MAML3: variants seen among roughly 807,000 people sequenced by gnomAD.
MAML3 encodes the protein mastermind-like protein 3.
Under a neutral mutation model 101.9 loss-of-function variants are expected in MAML3, and 27 were observed. That is an observed-to-expected ratio of 0.27 (90% confidence interval 0.20 to 0.37). The LOEUF (loss-of-function observed/expected upper bound fraction) is 0.37. Among genes scored for constraint, MAML3 ranks in the 10% least tolerant of loss-of-function variants. MAML3 has a pLI of 1.00. For synonymous variants in MAML3, 501 were observed against 555.9 expected (o/e 0.90, Z 1.39); for missense variants, 1,316 against 1,444.9 (o/e 0.91, Z 1.45).
intron 2 of MAML3, among the ~76,000 whole-genome samples, chr4:139,841,912 T>C (rs539436154): frequency 6.6e-6 from 1 of 152,326 alleles, no homozygotes; most frequent in South Asian, 2.1e-4. Flanking sequence ...AGAGAACTAA[T>C]TACCCTCCAC....
intron 2 of MAML3, among the ~76,000 whole-genome samples, chr4:139,887,907 A>G (rs928100516): frequency 2.6e-5 from 4 of 152,200 alleles, no homozygotes; most frequent in African/African-American, 9.7e-5. Flanking sequence ...CCCCAATGGT[A>G]TATATTCTTA....
intron 2 of MAML3, among the ~76,000 whole-genome samples, chr4:139,733,458 AAAAG>A (rs910775914): frequency 7.9e-5 from 12 of 151,912 alleles, no homozygotes; most frequent in African/African-American, 2.4e-4. Flanking sequence ...CTCCACTGGG[AAAAG>A]AAAGAGAGAG....
At chr4:140,071,690 T>C (rs1727656276) in intron 1 of MAML3, among the ~76,000 whole-genome samples, 1 of 149,686 alleles carries the variant, frequency 6.7e-6, no homozygotes. Flanking sequence ...CGTATCAGCG[T>C]ACATTCTCTT....
intron 2 of MAML3, among the ~76,000 whole-genome samples, chr4:139,744,974 C>G (rs186229871): frequency 3.2e-4 from 49 of 152,318 alleles, no homozygotes; most frequent in Non-Finnish European, 5.9e-4. Context: ...TTCTAAGCTT[C>G]AGTATTCTCC....
chr4:139,943,217 G>C (rs527596280), intron 1 of MAML3, among the ~76,000 whole-genome samples: 1 of 152,142 alleles, frequency 6.6e-6, no homozygotes, highest in Admixed American at 6.5e-5. Context: ...TTCTCTTACA[G>C]AAGAGATGAA....
intron 1 of MAML3, among the ~76,000 whole-genome samples, chr4:140,144,702 G>A (rs144313674): frequency 4.6e-5 from 7 of 152,136 alleles, no homozygotes; most frequent in African/African-American, 1.7e-4. Flanking sequence ...ATATATATTC[G>A]AGTTTCAGCA....
Position 139,730,626 on chromosome 4 carries a change from C to T in MAML3, c.2121G>A (p.Met707Ile). 6.2e-7 allele frequency: 1 copy of T among 1,613,232 alleles called. No individual in the cohort carries two copies. The highest frequency in any genetic ancestry group is 8.5e-7 in the Non-Finnish European group (1 of 1,179,684). ...PVGLPRTTGP[M>I]QSSVPPGSGG... ...CTGAGCCTGGGGGCACGGAGGACTGCATGGGGCCTGTGGTTCGGGGAAGTC... is the reference window on the plus strand; with the variant it reads ...CTGAGCCTGGGGGCACGGAGGACTGTATGGGGCCTGTGGTTCGGGGAAGTC... Residue 707 changes from methionine (M) to isoleucine (I), a missense_variant, in exon 3 of 5, where the codon ATG becomes ATA. Transcript: ENST00000509479.
chr4:139,784,536 C>T (rs981059702), intron 2 of MAML3, among the ~76,000 whole-genome samples: 2 of 152,162 alleles, frequency 1.3e-5, no homozygotes, highest in Admixed American at 6.5e-5. Flanking sequence ...TATGGCCTCT[C>T]GTTGTTCCTG....
intron 1 of MAML3, among the ~76,000 whole-genome samples, chr4:139,947,478 T>A (rs1733751130): frequency 6.6e-6 from 1 of 152,178 alleles, no homozygotes; most frequent in African/African-American, 2.4e-5. Context: ...ACAATGCTGC[T>A]ACAAAAATTA....
At chr4:140,072,670 CAAAA>C (rs11351354) in intron 1 of MAML3, among the ~76,000 whole-genome samples, 5 of 111,946 alleles carry the variant, frequency 4.5e-5, no homozygotes, top group Admixed American at 9.0e-5. Flanking sequence ...AACTCCGTCT[CAAAA>C]AAAAAAAAAA....
chr4:140,103,903 T>A (rs554726017), intron 1 of MAML3, among the ~76,000 whole-genome samples: 1 of 152,234 alleles, frequency 6.6e-6, no homozygotes, highest in African/African-American at 2.4e-5. Context: ...AGATCAAAAC[T>A]GCATTCTTAG....
At chr4:140,105,293 T>C (rs1728332901) in intron 1 of MAML3, among the ~76,000 whole-genome samples, 1 of 152,224 alleles carries the variant, frequency 6.6e-6, no homozygotes, top group Admixed American at 6.5e-5. Flanking sequence ...TTTTAAATGG[T>C]GATCAAAACA....
chr4:139,983,261 C>A (rs1449325687), intron 1 of MAML3, among the ~76,000 whole-genome samples: 1 of 152,196 alleles, frequency 6.6e-6, no homozygotes. Context: ...CCTATTCAAT[C>A]CTCCTTTCCT....
chr4:139,754,997 C>T (rs755357364), intron 2 of MAML3, among the ~76,000 whole-genome samples: 3 of 152,202 alleles, frequency 2.0e-5, no homozygotes, highest in African/African-American at 4.8e-5. Flanking sequence ...GCCTCTTCGG[C>T]GTGGCGAATG....
intron 2 of MAML3, among the ~76,000 whole-genome samples, chr4:139,753,340 T>C (rs993330796): frequency 3.5e-5 from 4 of 112,962 alleles, no homozygotes; most frequent in African/African-American, 1.3e-4. Context: ...CTTTTCTTTT[T>C]AATCTATCTA....
In MAML3 at chr4:140,153,642, G is replaced by A. The variant is rs1470607083; in HGVS notation, c.-315C>T. On this transcript the variant is annotated 5_prime_UTR_variant, in exon 1 of 5. Transcript: ENST00000509479. ...GCAGCAAATCGGGTTGCAACTCAAG[G>A]GGAGATCCGCTCCTTGCTTGCCTTC... is the stretch of plus-strand genomic sequence containing the variant. The A allele has an allele frequency of 2.9e-6, 1 of 345,450 alleles. No homozygotes were observed. The highest frequency in any genetic ancestry group is 5.2e-6 in the Non-Finnish European group (1 of 192,632). 21.4% of individuals were successfully genotyped at this position (345,450 alleles called of 1,614,324 possible). A position where few individuals can be genotyped will look rare whatever the true frequency, so the allele number is the denominator to read the frequency against.
chr4:140,045,956 T>C (rs186538740), intron 1 of MAML3, among the ~76,000 whole-genome samples: 19 of 152,336 alleles, frequency 1.2e-4, no homozygotes, highest in Admixed American at 1.0e-3. Flanking sequence ...AGAAAAAGAA[T>C]AGTATATGCA....
chr4:140,138,015 C>T (rs1728923053), intron 1 of MAML3, among the ~76,000 whole-genome samples: 1 of 152,300 alleles, frequency 6.6e-6, no homozygotes, highest in South Asian at 2.1e-4. Context: ...AATAAAAAGC[C>T]CCTGAATGAT....
chr4:139,737,165 G>A (rs1163037900), intron 2 of MAML3, among the ~76,000 whole-genome samples: 2 of 152,216 alleles, frequency 1.3e-5, no homozygotes, highest in East Asian at 3.9e-4. Flanking sequence ...CGTGTAATAA[G>A]GTGAACTATG....
Sources: allele counts gnomAD v4.1 joint callset (sites outside exome capture counted in the v4.1 genomes callset), GRCh38; gene constraint gnomAD v4.1.1; transcripts MANE v1.5; gene names NCBI Gene and HGNC (gene_info 2026-07-23, HGNC 2026-07-21).